NCOA1: variants seen among roughly 807,000 people sequenced by gnomAD.
NCOA1 encodes the protein nuclear receptor coactivator 1.
In NCOA1, 35 loss-of-function variants were observed where a neutral mutation model predicts 150.9. The ratio of observed to expected loss-of-function variants is 0.23; its 90% confidence interval spans 0.18 to 0.31. The LOEUF is 0.31. Ranked by LOEUF, NCOA1 falls within the 10% of genes least tolerant of loss-of-function variation. The pLI is 1.00. For synonymous variants in NCOA1, 590 were observed against 630.0 expected, an observed-to-expected ratio of 0.94 and a Z score of 0.95; for missense variants, 1,491 against 1,749.3, an observed-to-expected ratio of 0.85 and a Z score of 2.63.
intron 17 of NCOA1, among the ~76,000 whole-genome samples, chr2:24,737,998 A>T (rs1249122629): frequency 6.6e-6 from 1 of 152,192 alleles, no homozygotes; most frequent in Non-Finnish European, 1.5e-5. Context: ...TTTTAAAACT[A>T]TAAAGTTGGT....
At chr2:24,678,832 G>A (rs1488007522) in intron 7 of NCOA1, among the ~76,000 whole-genome samples, 1 of 152,156 alleles carries the variant, frequency 6.6e-6, no homozygotes, top group Admixed American at 6.5e-5. Context: ...CATTCTTTAG[G>A]TTGTTCACTC....
intron 1 of NCOA1, among the ~76,000 whole-genome samples, chr2:24,529,115 T>G (rs181529272): frequency 6.4e-4 from 98 of 152,252 alleles, no homozygotes; most frequent in African/African-American, 2.3e-3. Context: ...CTTAATTTCC[T>G]GACCTCGTGA....
chr2:24,760,028 A>G (rs1469412527), intron 21 of NCOA1, among the ~76,000 whole-genome samples: 3 of 151,158 alleles, frequency 2.0e-5, no homozygotes, highest in Non-Finnish European at 4.4e-5. Flanking sequence ...AAGCTTTTTT[A>G]TATTTACCCA....
intron 1 of NCOA1, among the ~76,000 whole-genome samples, chr2:24,558,039 A>C (rs1041724028): frequency 3.3e-5 from 5 of 150,758 alleles, no homozygotes; most frequent in Admixed American, 6.6e-5. Flanking sequence ...ATTCTTGGCC[A>C]TGATCTCTTC....
At chr2:24,722,291 A>G (rs1558315062) in intron 14 of NCOA1, among the ~76,000 whole-genome samples, 1 of 152,192 alleles carries the variant, frequency 6.6e-6, no homozygotes. Context: ...CATCCAGGTA[A>G]ATACTGCTTT....
intron 18 of NCOA1, among the ~76,000 whole-genome samples, chr2:24,741,549 A>G (rs1396106741): frequency 6.6e-6 from 1 of 152,172 alleles, no homozygotes; most frequent in Non-Finnish European, 1.5e-5. Context: ...TAATGGTCAG[A>G]TATTGTTTAG....
chr2:24,712,132 C>T (rs1481297164), intron 14 of NCOA1, among the ~76,000 whole-genome samples: 15 of 152,230 alleles, frequency 9.9e-5, no homozygotes, highest in Admixed American at 9.8e-4. Context: ...ATTCAAATCT[C>T]ACATTCTCCA....
intron 2 of NCOA1, among the ~76,000 whole-genome samples, chr2:24,582,066 T>G (rs1667214321): frequency 6.6e-6 from 1 of 152,174 alleles, no homozygotes; most frequent in Non-Finnish European, 1.5e-5. Flanking sequence ...ATGCCCACTT[T>G]CATCACTCTT....
chr2:24,745,952 A>G (rs1332333392), intron 19 of NCOA1, among the ~76,000 whole-genome samples: 1 of 152,202 alleles, frequency 6.6e-6, no homozygotes, highest in East Asian at 1.9e-4. Flanking sequence ...CCTCTCAGAT[A>G]TATCTCCTCT....
Position 24,645,686 on chromosome 2 carries a change from T to C in NCOA1, c.-18+1564T>C, listed in dbSNP as rs553263878. Among the ~76,000 whole-genome samples, 9 of 152,286 alleles carry C rather than the reference T, an allele frequency of 5.9e-5. No homozygotes were observed. The South Asian group carries it at 1.7e-3, about 28-fold the overall frequency. ...TTTTAAAATATTTGCAGTATACTTA[T>C]CAGCTGAGCATCCGAAATCTGAAAT... On this transcript the variant is annotated intron_variant, in intron 4 of 22. Coordinates refer to ENST00000348332, the MANE Select transcript of NCOA1 (RefSeq NM_003743.5).
intron 3 of NCOA1, among the ~76,000 whole-genome samples, chr2:24,626,766 G>C (rs1162313282): frequency 6.6e-6 from 1 of 152,056 alleles, no homozygotes; most frequent in Non-Finnish European, 1.5e-5. Flanking sequence ...CTGAATAATT[G>C]TGGGATTAAG....
intron 16 of NCOA1, 37 bp downstream of exon 16, chr2:24,728,513 C>T (rs1352285632): frequency 6.5e-7 from 1 of 1,543,500 alleles, no homozygotes; most frequent in Admixed American, 1.9e-5. Flanking sequence ...ACTGATGGAG[C>T]CCTAAGAAGC....
intron 1 of NCOA1, among the ~76,000 whole-genome samples, chr2:24,531,672 G>T (rs142691413): frequency 0.039 from 5,966 of 152,170 alleles, 161 homozygotes; most frequent in African/African-American, 0.081. Context: ...TGTTCTCATT[G>T]TTCAGTTCCC....
intron 2 of NCOA1, among the ~76,000 whole-genome samples, chr2:24,575,290 A>G (rs926235990): frequency 1.3e-5 from 2 of 152,038 alleles, no homozygotes; most frequent in African/African-American, 4.8e-5. Flanking sequence ...CAGATTTTGT[A>G]TTTTTAATTT....
chr2:24,564,940 A>C lies in NCOA1; in HGVS notation c.-260+510A>C, dbSNP rs1666437594. 2.0e-5 allele frequency among the ~76,000 whole-genome samples: 3 copies of C among 152,178 alleles called. No homozygotes were observed. The South Asian group carries it at 6.2e-4, about 32-fold the overall frequency. ...TCTGAGTCCACCTGCAAGATGTCAGAGACCTTACTGATCATCCTTTAGATG... is the reference window on the plus strand; with the variant it reads ...TCTGAGTCCACCTGCAAGATGTCAGCGACCTTACTGATCATCCTTTAGATG... On this transcript the variant is annotated intron_variant, in intron 2 of 22. Transcript: ENST00000348332.
chr2:24,610,299 A>AT (rs1558836575), intron 3 of NCOA1, among the ~76,000 whole-genome samples: 3 of 149,660 alleles, frequency 2.0e-5, no homozygotes, highest in African/African-American at 7.4e-5. Flanking sequence ...AATTTTTTGT[A>AT]TTTTTTCTTT....
chr2:24,740,334 T>C (rs1432166745), intron 18 of NCOA1, among the ~76,000 whole-genome samples: 24 of 152,192 alleles, frequency 1.6e-4, no homozygotes, highest in Admixed American at 1.6e-3. Context: ...GCAAAGGTCA[T>C]AGAGTGTATT....
chr2:24,602,561 C>G (rs1572475611), intron 3 of NCOA1, among the ~76,000 whole-genome samples: 1 of 152,152 alleles, frequency 6.6e-6, no homozygotes, highest in South Asian at 2.1e-4. Flanking sequence ...GTAACTAGCA[C>G]TTTCTTGAAT....
chr2:24,689,867 A>G (rs982941945), intron 8 of NCOA1, among the ~76,000 whole-genome samples: 3 of 152,086 alleles, frequency 2.0e-5, no homozygotes, highest in Admixed American at 6.5e-5. Context: ...TCTTTAGCCT[A>G]TATATGCTCC....
Sources: allele counts gnomAD v4.1 joint callset (sites outside exome capture counted in the v4.1 genomes callset), GRCh38; gene constraint gnomAD v4.1.1; transcripts MANE v1.5; gene names NCBI Gene and HGNC (gene_info 2026-07-23, HGNC 2026-07-21).